Variants in LINGO2 observed in about 807,000 individuals in gnomAD.
The protein encoded by LINGO2 is leucine-rich repeat and immunoglobulin-like domain-containing nogo receptor-interacting protein 2.
A neutral mutation model predicts 30.6 loss-of-function variants in LINGO2; 14 were observed. The observed-to-expected ratio is 0.46, with a 90% CI of 0.30 to 0.72. LINGO2 has a LOEUF of 0.72. LINGO2 is among the 30% of genes least tolerant of loss of function. LINGO2 has a pLI of 0.07. For synonymous variants in LINGO2, 317 were observed against 288.5 expected (o/e 1.10, Z -1.00); for missense variants, 729 against 751.7 (o/e 0.97, Z 0.35).
At chr9:28,072,627 G>A (rs1216913821) in intron 4 of LINGO2, among the ~76,000 whole-genome samples, 1 of 152,088 alleles carries the variant, frequency 6.6e-6, no homozygotes, top group East Asian at 1.9e-4. Flanking sequence ...ATAGCCACTC[G>A]GTAAATGAAG....
intron 4 of LINGO2, among the ~76,000 whole-genome samples, chr9:28,049,394 T>C (rs181183265): frequency 2.0e-5 from 3 of 150,696 alleles, no homozygotes; most frequent in Non-Finnish European, 4.4e-5. Context: ...AAATTCAACA[T>C]AGCAGGTAAT....
At chr9:28,913,202 C>T in the LINGO2 span, among the ~76,000 whole-genome samples, 1 of 151,982 alleles carries the variant, frequency 6.6e-6, no homozygotes, top group Admixed American at 6.6e-5. Flanking sequence ...GGATGAAAAT[C>T]TCTGTTATCA....
intron 3 of LINGO2, among the ~76,000 whole-genome samples, chr9:28,309,369 G>A (rs963214828): frequency 6.6e-6 from 1 of 151,228 alleles, no homozygotes. Flanking sequence ...ACTCATAGGT[G>A]GGAATTGAAC....
At chr9:27,966,876 C>T (rs551174778) in intron 5 of LINGO2, among the ~76,000 whole-genome samples, 2 of 152,132 alleles carry the variant, frequency 1.3e-5, no homozygotes, top group Non-Finnish European at 2.9e-5. Flanking sequence ...AACAACTACC[C>T]CTCCTTCATA....
chr9:29,118,536 G>C, the LINGO2 span, among the ~76,000 whole-genome samples: 1 of 152,158 alleles, frequency 6.6e-6, no homozygotes, highest in Non-Finnish European at 1.5e-5. Flanking sequence ...AATCCAGAGA[G>C]GACATTGTAG....
chr9:27,979,888 CTG>C (rs1820774238), intron 5 of LINGO2, among the ~76,000 whole-genome samples: 1 of 151,918 alleles, frequency 6.6e-6, no homozygotes, highest in African/African-American at 2.4e-5. Context: ...TAAATGATAA[CTG>C]AGAAAAATCA....
chr9:29,037,233 C>A, the LINGO2 span, among the ~76,000 whole-genome samples: 2 of 151,694 alleles, frequency 1.3e-5, no homozygotes, highest in African/African-American at 4.8e-5. Context: ...TGATGAGACT[C>A]CTTAATATTA....
At chr9:28,662,474 T>C (rs950069327) in intron 1 of LINGO2, among the ~76,000 whole-genome samples, 5 of 152,162 alleles carry the variant, frequency 3.3e-5, no homozygotes, top group African/African-American at 1.2e-4. Context: ...GGAGATTTTG[T>C]AGAAAAAACC....
chr9:28,614,970 T>C (rs1318082774), intron 1 of LINGO2, among the ~76,000 whole-genome samples: 1 of 152,104 alleles, frequency 6.6e-6, no homozygotes. Flanking sequence ...TCTCACACAG[T>C]TCATTTAATA....
chr9:28,062,368 A>C (rs1042446835), intron 4 of LINGO2, among the ~76,000 whole-genome samples: 1 of 150,966 alleles, frequency 6.6e-6, no homozygotes, highest in African/African-American at 2.4e-5. Context: ...ATCACTGCAA[A>C]TATCTCTGTT....
the LINGO2 span, among the ~76,000 whole-genome samples, chr9:28,928,004 T>C: frequency 6.6e-6 from 1 of 152,214 alleles, no homozygotes; most frequent in East Asian, 1.9e-4. Context: ...AACACTACAA[T>C]GTGCCAGAAA....
intron 4 of LINGO2, among the ~76,000 whole-genome samples, chr9:28,159,225 G>A (rs982668989): frequency 2.0e-4 from 30 of 152,114 alleles, no homozygotes; most frequent in Admixed American, 1.7e-3. Context: ...TTTAAAAGAT[G>A]AGCTAGATAC....
chr9:28,808,843 C>A, the LINGO2 span, among the ~76,000 whole-genome samples: 1 of 152,138 alleles, frequency 6.6e-6, no homozygotes, highest in Non-Finnish European at 1.5e-5. Flanking sequence ...TTTCTACCAT[C>A]AGCCTGAGGA....
intron 4 of LINGO2, among the ~76,000 whole-genome samples, chr9:28,199,881 A>C (rs1429814726): frequency 6.6e-6 from 1 of 152,130 alleles, no homozygotes; most frequent in Non-Finnish European, 1.5e-5. Context: ...TAACCTTTTA[A>C]AGTATTAGTA....
intron 5 of LINGO2, among the ~76,000 whole-genome samples, chr9:27,988,791 C>A (rs561652845): frequency 6.6e-6 from 1 of 152,038 alleles, no homozygotes; most frequent in East Asian, 1.9e-4. Context: ...CTGTAACTGG[C>A]ACCACTGTTC....
intron 4 of LINGO2, among the ~76,000 whole-genome samples, chr9:28,221,610 T>C (rs1820970207): frequency 6.6e-6 from 1 of 152,176 alleles, no homozygotes; most frequent in Non-Finnish European, 1.5e-5. Flanking sequence ...TCCAATTACT[T>C]GTCAAATTTA....
the LINGO2 span, among the ~76,000 whole-genome samples, chr9:28,717,998 TC>T: frequency 6.6e-6 from 1 of 151,866 alleles, no homozygotes; most frequent in Non-Finnish European, 1.5e-5. Context: ...TAAGGCAGTG[TC>T]CCCAAGCAAC....
intron 3 of LINGO2, among the ~76,000 whole-genome samples, chr9:28,309,271 T>C (rs1039774102): frequency 6.6e-6 from 1 of 152,172 alleles, no homozygotes; most frequent in Admixed American, 6.5e-5. Flanking sequence ...GATGAGTTCA[T>C]GTCCTTTGTA....
intron 1 of LINGO2, among the ~76,000 whole-genome samples, chr9:28,611,825 ATTTATTTT>A (rs1825928541): frequency 1.3e-5 from 2 of 150,610 alleles, no homozygotes; most frequent in African/African-American, 4.9e-5. Flanking sequence ...TTATTTATTT[ATTTATTTT>A]TTTTTGAGAC....
Sources: allele counts gnomAD v4.1 joint callset (sites outside exome capture counted in the v4.1 genomes callset), GRCh38; gene constraint gnomAD v4.1.1; transcripts MANE v1.5; gene names NCBI Gene and HGNC (gene_info 2026-07-23, HGNC 2026-07-21).